Variants in TOPBP1 observed in about 807,000 individuals in gnomAD.
The protein encoded by TOPBP1 is DNA topoisomerase 2-binding protein 1.
Under a neutral mutation model 167.7 loss-of-function variants are expected in TOPBP1, and 28 were observed. That is an observed-to-expected ratio of 0.17 (90% confidence interval 0.12 to 0.23). The LOEUF (loss-of-function observed/expected upper bound fraction) is 0.23, where lower values mean the gene tolerates loss of function less well. Among genes scored for constraint, TOPBP1 ranks in the 10% least tolerant of loss-of-function variants. TOPBP1 has a pLI of 1.00. For synonymous variants in TOPBP1, 598 were observed against 611.4 expected (o/e 0.98, Z 0.32); for missense variants, 1,554 against 1,809.6 (o/e 0.86, Z 2.56).
chr3:133,620,200 G>A lies in TOPBP1; in HGVS notation c.3326C>T (p.Thr1109Ile). The change falls in exon 20 of 28, where the codon ACT (threonine) becomes ATT (isoleucine). Residue 1109 changes from threonine to isoleucine, a missense_variant. Around this residue, in one of 3 missense-constraint regions of TOPBP1, gnomAD observed 1,197 missense variants for 1,351.5 expected, o/e 0.89. Coordinates refer to ENST00000260810, the MANE Select transcript of TOPBP1 (RefSeq NM_007027.4). Reference sequence around the variant, plus strand: ...ACTTCGTCCACTGCGAGCAGAGCGAGTGCTGTCAGGGGTTGAAGATGCGCT... The same window carrying A: ...ACTTCGTCCACTGCGAGCAGAGCGAATGCTGTCAGGGGTTGAAGATGCGCT... ...CNSASSTPDS[T>I]RSARSGRSRV... The A allele has an allele frequency of 6.2e-7, 1 of 1,613,928 alleles. No homozygotes were observed. Among genetic ancestry groups the A allele is most frequent in the Non-Finnish European group, 8.5e-7 (1 of 1,179,860 alleles).
At position 133,611,076 on chromosome 3, in the gene TOPBP1, T is replaced by C. The variant is rs779755916; in HGVS notation, c.4101A>G (p.Gln1367=). 69 of 1,613,466 alleles carry C rather than the reference T, an allele frequency of 4.3e-5. No individual in the cohort carries two copies. In the Middle Eastern group the frequency reaches 5.1e-3, roughly 120 times the overall value. The change falls in exon 25 of 28, where the codon CAA becomes CAG. Residue 1367 remains glutamine, a synonymous_variant. Transcript: ENST00000260810. The stretch of plus-strand genomic sequence containing the variant: ...TCATTGCTGCAAGTGCTAGTCTTCG[T>C]TGCTGTACATTGATTCCAGTCAGAA... The part of the protein sequence containing the change: ...LDVLTGINVQ[Q]RRLALAAMRW...
chr3:133,656,420 T>C (rs1220829050), intron 5 of TOPBP1, among the ~76,000 whole-genome samples: 1 of 152,216 alleles, frequency 6.6e-6, no homozygotes, highest in Non-Finnish European at 1.5e-5. Context: ...TTCAGAAATA[T>C]TTACAGCTGA....
intron 23 of TOPBP1, among the ~76,000 whole-genome samples, chr3:133,614,935 C>A (rs988533979): frequency 6.6e-6 from 1 of 151,220 alleles, no homozygotes; most frequent in Non-Finnish European, 1.5e-5. Context: ...ATGTAACAAA[C>A]CTGTAGGTTG....
chr3:133,651,231 G>C lies in TOPBP1; in HGVS notation c.1089+1232C>G, dbSNP rs1486678122. Reference sequence around the variant, plus strand: ...GATGGAGTTTCACTCTTGTTGACCAGGCCGGAGTGCAATGGCGCAATCTCG... The same window carrying C: ...GATGGAGTTTCACTCTTGTTGACCACGCCGGAGTGCAATGGCGCAATCTCG... On this transcript the variant is annotated intron_variant, in intron 8 of 27. Transcript: ENST00000260810. Among the ~76,000 whole-genome samples the C allele has an allele frequency of 2.1e-5, 3 of 142,192 alleles. No individual in the cohort carries two copies. The Admixed American group carries it at 2.2e-4, about 11-fold the overall frequency. 93.3% of individuals were successfully genotyped at this position (142,192 alleles called of 152,430 possible). A position where few individuals can be genotyped will look rare whatever the true frequency, so the allele number is the denominator to read the frequency against.
chr3:133,660,420 G>A (rs888993934), intron 2 of TOPBP1, among the ~76,000 whole-genome samples: 1 of 152,194 alleles, frequency 6.6e-6, no homozygotes. Flanking sequence ...AAGTACTAGA[G>A]AAGTGCCTAT....
rs757205972 is a variant in TOPBP1, at chr3:133,653,328, ATC to A, written c.922+15_922+16del. 6.5e-7 allele frequency: 1 copy of A among 1,548,704 alleles called. No individual in the cohort carries two copies. Among genetic ancestry groups the A allele is most frequent in the Non-Finnish European group, 8.7e-7 (1 of 1,152,958 alleles). ...GACTGTCTTCAGAATAATTATTTTA[ATC>A]TCAATGAGACTCACTATCAATTGTG... is the stretch of plus-strand genomic sequence containing the variant. On this transcript the variant is annotated intron_variant, in intron 7 of 27. Coordinates refer to ENST00000260810, the MANE Select transcript of TOPBP1 (RefSeq NM_007027.4).
chr3:133,653,356 T>A lies in TOPBP1; in HGVS notation c.911A>T (p.Asn304Ile), dbSNP rs372308044. Residue 304 changes from asparagine (N) to isoleucine (I), a missense_variant, in exon 7 of 28, where the codon AAC (asparagine) becomes ATC (isoleucine). This residue lies in a region of TOPBP1 where 1,197 missense variants were observed against 1,351.5 expected (regional missense o/e 0.89). Coordinates refer to ENST00000260810, the MANE Select transcript of TOPBP1 (RefSeq NM_007027.4). ...TCAATGAGACTCACTATCAATTGTG[T>A]TGATCTGGCTGGTAGGAGTTGAAGA... ...PNSSTPTSQINTIDSRTLSDV... is the reference protein window; with the variant it reads ...PNSSTPTSQIITIDSRTLSDV... 2.5e-6 allele frequency: 4 copies of A among 1,597,634 alleles called. No individual in the cohort carries two copies. The highest frequency in any genetic ancestry group is 2.6e-6 in the Non-Finnish European group (3 of 1,175,072).
chr3:133,645,473 A>G (rs925987815), intron 10 of TOPBP1, among the ~76,000 whole-genome samples: 4 of 152,196 alleles, frequency 2.6e-5, no homozygotes, highest in Admixed American at 6.5e-5. Flanking sequence ...ATACTATAAA[A>G]CATTCCGGAA....
At position 133,628,486 on chromosome 3, in the gene TOPBP1, T is replaced by G; in HGVS notation, c.2695-15A>C. On this transcript the variant is annotated splice_polypyrimidine_tract_variant and intron_variant, in intron 15 of 27. Transcript: ENST00000260810. The stretch of plus-strand genomic sequence containing the variant: ...GGGGCTTCTTCCTGTCCATGGAAAA[T>G]AAAAGAAACAGATCAGTCATTATTG... The G allele has an allele frequency of 1.2e-6, 2 of 1,607,392 alleles. No individual in the cohort carries two copies. Among genetic ancestry groups the G allele is most frequent in the Admixed American group, 1.7e-5 (1 of 58,896 alleles).
intron 14 of TOPBP1, 33 bp downstream of exon 14, chr3:133,637,843 G>C: frequency 6.2e-7 from 1 of 1,601,480 alleles, no homozygotes; most frequent in Non-Finnish European, 8.5e-7. Flanking sequence ...CGGTAAAACT[G>C]TTAACTCTGG....
At chr3:133,636,987 G>A (rs1403941279) in intron 14 of TOPBP1, among the ~76,000 whole-genome samples, 1 of 151,980 alleles carries the variant, frequency 6.6e-6, no homozygotes, top group Non-Finnish European at 1.5e-5. Context: ...CTGGAATTCT[G>A]ACCAAAAATA....
intron 20 of TOPBP1, among the ~76,000 whole-genome samples, 165 bp from the exon 21 acceptor site, chr3:133,618,598 T>C (rs1192901400): frequency 1.3e-5 from 2 of 152,154 alleles, no homozygotes; most frequent in Non-Finnish European, 2.9e-5. Context: ...ACATTTTTTT[T>C]TTTTAAAAAG....
rs998808255 is a variant in TOPBP1 at position 133,600,670 on chromosome 3, C to T, written c.*580G>A. On this transcript the variant is annotated 3_prime_UTR_variant, in exon 28 of 28. Transcript: ENST00000260810. Reference sequence around the variant, plus strand: ...ACTAATTTGAGTTACTACTTTTATTCTTTATTGTCACATTTTCCAAGTTTT... The same window carrying T: ...ACTAATTTGAGTTACTACTTTTATTTTTTATTGTCACATTTTCCAAGTTTT... The T allele has an allele frequency of 6.5e-6, 1 of 152,692 alleles. No homozygotes were observed. Among genetic ancestry groups the T allele is most frequent in the Admixed American group, 6.5e-5 (1 of 15,278 alleles). 9.5% of individuals were successfully genotyped at this position (152,692 alleles called of 1,614,324 possible).
intron 12 of TOPBP1, among the ~76,000 whole-genome samples, chr3:133,642,780 G>A (rs551621924): frequency 5.9e-5 from 9 of 152,112 alleles, no homozygotes; most frequent in African/African-American, 1.7e-4. Flanking sequence ...AAACTTTGTC[G>A]TATCCACTAT....
chr3:133,620,301 T>C lies in TOPBP1; in HGVS notation c.3225A>G (p.Leu1075=). Residue 1075 remains leucine, a synonymous_variant, in exon 20 of 28, where the codon TTA becomes TTG. Coordinates refer to ENST00000260810, the MANE Select transcript of TOPBP1 (RefSeq NM_007027.4). ...TTGATGTTGCAGACATTATCTCCTGTAACTGCTTCTGAAAGTTCTCTCTCA... is the reference window on the plus strand; with the variant it reads ...TTGATGTTGCAGACATTATCTCCTGCAACTGCTTCTGAAAGTTCTCTCTCA... ...LEMRENFQKQ[L]QEIMSATSIV... 1 of 1,613,992 alleles carries C rather than the reference T, an allele frequency of 6.2e-7. No individual in the cohort carries two copies. The highest frequency in any genetic ancestry group is 8.5e-7 in the Non-Finnish European group (1 of 1,179,890).
intron 3 of TOPBP1, among the ~76,000 whole-genome samples, chr3:133,658,226 G>A (rs1936549279): frequency 6.6e-6 from 1 of 152,206 alleles, no homozygotes; most frequent in Admixed American, 6.5e-5. Context: ...CACTTCAGAG[G>A]AGGCCGAGCG....
intron 1 of TOPBP1, among the ~76,000 whole-genome samples, 153 bp downstream of exon 1, chr3:133,661,616 G>C (rs535899672): frequency 4.1e-4 from 62 of 152,302 alleles, no homozygotes; most frequent in African/African-American, 1.4e-3. Flanking sequence ...CTGGGATCAC[G>C]GAAGCCACGT....
chr3:133,660,993 C>A, intron 2 of TOPBP1, 51 bp downstream of exon 2: 1 of 1,403,502 alleles, frequency 7.1e-7, no homozygotes. Context: ...ATCAAAAACA[C>A]TTAAAAACAA....
chr3:133,610,422 A>G (rs1272466560), intron 25 of TOPBP1, among the ~76,000 whole-genome samples: 1 of 151,786 alleles, frequency 6.6e-6, no homozygotes, highest in Non-Finnish European at 1.5e-5. Context: ...TTCTCTTGAT[A>G]AATCAACAGT....
Sources: gnomAD v4.1 joint callset for allele counts (sites outside exome capture counted in the v4.1 genomes callset) on GRCh38, gnomAD v4.1.1 for gene constraint, gnomAD v4.1.1 regional missense constraint, MANE v1.5 for transcripts, NCBI Gene and HGNC (gene_info 2026-07-23, HGNC 2026-07-21) for gene names.